The following ADK variants were observed in gnomAD, a reference collection of about 807,000 sequenced individuals.
ADK encodes adenosine kinase, also known as N6,N6-dimethyladenosine kinase.
A neutral mutation model predicts 44.7 loss-of-function variants in ADK; 24 were observed. The observed-to-expected ratio is 0.54, with a 90% CI of 0.39 to 0.76. ADK has a LOEUF of 0.76. Ranked by LOEUF, ADK falls within the 30% of genes least tolerant of loss-of-function variation. The pLI is 0.00. For synonymous variants in ADK, 128 were observed against 142.6 expected (o/e 0.90, Z 0.73); for missense variants, 321 against 425.1 (o/e 0.76, Z 2.15).
intron 6 of ADK, among the ~76,000 whole-genome samples, chr10:74,416,171 A>C (rs1211655956): frequency 2.0e-5 from 3 of 151,882 alleles, no homozygotes; most frequent in Admixed American, 2.0e-4. Flanking sequence ...CTTAAAAAAA[A>C]ATTTGGTAAA....
In ADK at chr10:74,708,127, G is replaced by A. The variant is rs534201305; in HGVS notation, c.965-194G>A. Among the ~76,000 whole-genome samples the A allele has an allele frequency of 3.4e-5, 5 of 145,098 alleles. No homozygotes were observed. The East Asian group carries it at 8.2e-4, about 24-fold the overall frequency. On this transcript the variant is annotated intron_variant, in intron 10 of 10. Transcript: ENST00000539909. ...ATGATGCCACTGTACTCCAGCCTGC[G>A]TGACAGGGCAAGACTCCATCTCGGG...
rs1564601158 is a variant in ADK at position 74,220,241 on chromosome 10, C to T, written c.141-4297C>T. Among the ~76,000 whole-genome samples the T allele has an allele frequency of 8.5e-5, 13 of 152,204 alleles. No individual in the cohort carries two copies. In the South Asian group the frequency reaches 2.5e-3, roughly 29 times the overall value. Reference sequence around the variant, plus strand: ...CTACCATCAGAGAATACTACAAATACCTCTACGCAAATAAAGTAGAAAATC... The same window carrying T: ...CTACCATCAGAGAATACTACAAATATCTCTACGCAAATAAAGTAGAAAATC... On this transcript the variant is annotated intron_variant, in intron 2 of 10. Transcript: ENST00000539909.
intron 4 of ADK, among the ~76,000 whole-genome samples, chr10:74,363,867 A>G (rs1842418809): frequency 6.6e-6 from 1 of 151,748 alleles, no homozygotes; most frequent in African/African-American, 2.4e-5. Context: ...CATTAGCTCA[A>G]ATGGGCACCC....
At chr10:74,578,656 G>C (rs1347023843) in intron 7 of ADK, among the ~76,000 whole-genome samples, 1 of 151,980 alleles carries the variant, frequency 6.6e-6, no homozygotes, top group Non-Finnish European at 1.5e-5. Context: ...ATACATTATG[G>C]TAGAGCCCTC....
intron 4 of ADK, among the ~76,000 whole-genome samples, chr10:74,330,297 T>C (rs1374268166): frequency 6.6e-6 from 1 of 152,138 alleles, no homozygotes; most frequent in Non-Finnish European, 1.5e-5. Context: ...CTGTAGTCCC[T>C]GCTACTCAGG....
chr10:74,664,435 G>T (rs1854872823), intron 9 of ADK, among the ~76,000 whole-genome samples: 1 of 152,162 alleles, frequency 6.6e-6, no homozygotes, highest in East Asian at 1.9e-4. Flanking sequence ...CCAGCTGAAG[G>T]GCAGAGATGA....
intron 5 of ADK, among the ~76,000 whole-genome samples, chr10:74,397,822 G>A (rs1469580830): frequency 6.6e-6 from 1 of 152,134 alleles, no homozygotes; most frequent in Non-Finnish European, 1.5e-5. Flanking sequence ...TTTCAGCTTT[G>A]AGCTACTGCA....
At chr10:74,698,545 A>G (rs955320379) in intron 10 of ADK, among the ~76,000 whole-genome samples, 1 of 152,056 alleles carries the variant, frequency 6.6e-6, no homozygotes, top group Non-Finnish European at 1.5e-5. Flanking sequence ...AAAAGAGCAG[A>G]CTTTTTTGTT....
intron 6 of ADK, among the ~76,000 whole-genome samples, chr10:74,495,837 G>A (rs763365093): frequency 1.3e-5 from 2 of 152,070 alleles, no homozygotes; most frequent in Non-Finnish European, 2.9e-5. Context: ...CTAGTTACCT[G>A]GTACCACCAT....
At chr10:74,260,172 C>G (rs1845991720) in intron 3 of ADK, among the ~76,000 whole-genome samples, 1 of 152,168 alleles carries the variant, frequency 6.6e-6, no homozygotes, top group South Asian at 2.1e-4. Context: ...TGTTCCCACT[C>G]CCCCCAAAAT....
At chr10:74,228,177 TTC>T (rs1844618312) in intron 3 of ADK, among the ~76,000 whole-genome samples, 1 of 152,236 alleles carries the variant, frequency 6.6e-6, no homozygotes, top group African/African-American at 2.4e-5. Flanking sequence ...GTATACTTGT[TTC>T]TCTGTCTGAG....
chr10:74,303,585 G>GTTTTTTTTTTTTATTTTTTTTTTTTTTTT (rs1282565148), intron 3 of ADK, among the ~76,000 whole-genome samples: 1 of 64,676 alleles, frequency 1.5e-5, no homozygotes, highest in Non-Finnish European at 2.5e-5. Flanking sequence ...TGGTTTTAAT[G>GTTTTTTTTTTTTATTTTTTTTTTTTTTTT]TTGTTTTTTT....
At chr10:74,608,794 G>T (rs561436953) in intron 9 of ADK, among the ~76,000 whole-genome samples, 2 of 152,258 alleles carry the variant, frequency 1.3e-5, no homozygotes, top group East Asian at 3.9e-4. Flanking sequence ...TGGTAGGCAG[G>T]AAAGTTTAAG....
intron 10 of ADK, among the ~76,000 whole-genome samples, chr10:74,685,917 C>A (rs1384495645): frequency 6.6e-6 from 1 of 151,850 alleles, no homozygotes; most frequent in East Asian, 1.9e-4. Flanking sequence ...GATATTATAA[C>A]AGTGGTTAAG....
rs560317085 is a variant in ADK at position 74,426,299 on chromosome 10, A to C, written c.555+27720A>C. 7.2e-5 allele frequency among the ~76,000 whole-genome samples: 11 copies of C among 152,328 alleles called. No individual in the cohort carries two copies. The East Asian group carries it at 1.9e-3, about 27-fold the overall frequency. ...TTTAGTCTGTATTGCATTTGGAAAT[A>C]ATTTTGTGAAGGTTATTCATGCAGC... On this transcript the variant is annotated intron_variant, in intron 6 of 10. Transcript: ENST00000539909.
chr10:74,655,063 C>G (rs537217438), intron 9 of ADK: 1 of 234,128 alleles, frequency 4.3e-6, no homozygotes, highest in African/African-American at 2.4e-5. Flanking sequence ...CCCTTCACCC[C>G]GGGCCGCCTT....
At chr10:74,180,160 C>T (rs887145560) in intron 1 of ADK, among the ~76,000 whole-genome samples, 28 of 151,452 alleles carry the variant, frequency 1.8e-4, no homozygotes, top group Non-Finnish European at 3.7e-4. Context: ...ATCTTGGGCC[C>T]CACTGAGGGC....
chr10:74,181,876 G>A (rs1321506369), intron 1 of ADK, among the ~76,000 whole-genome samples: 1 of 152,176 alleles, frequency 6.6e-6, no homozygotes, highest in Non-Finnish European at 1.5e-5. Flanking sequence ...AATATTTGTT[G>A]TAGAGCTAAT....
At chr10:74,417,711 A>T (rs1389999520) in intron 6 of ADK, among the ~76,000 whole-genome samples, 1 of 151,952 alleles carries the variant, frequency 6.6e-6, no homozygotes, top group Non-Finnish European at 1.5e-5. Flanking sequence ...GGGAGGTGGT[A>T]GGATTTCTAA....
Sources: allele counts gnomAD v4.1 joint callset (sites outside exome capture counted in the v4.1 genomes callset), GRCh38; gene constraint gnomAD v4.1.1; transcripts MANE v1.5; gene names NCBI Gene and HGNC (gene_info 2026-07-23, HGNC 2026-07-21).